Variants in MROH1 observed in about 807,000 individuals in gnomAD.
MROH1 encodes maestro heat-like repeat-containing protein family member 1.
In MROH1, 117 loss-of-function variants were observed where a neutral mutation model predicts 116.5. That is an observed-to-expected ratio of 1.00 (90% CI 0.86 to 1.17). The LOEUF (loss-of-function observed/expected upper bound fraction) is 1.17, where lower values mean the gene tolerates loss of function less well. Ranked by LOEUF, MROH1 falls within the 50% of genes most tolerant of loss-of-function variation. The probability of loss-of-function intolerance (pLI) is 0.00; values close to 1 mark genes in which losing one functional copy is unlikely to be tolerated. For missense variants in MROH1, 1,873 were observed against 1,338.5 expected, an observed-to-expected ratio of 1.40 and a Z score of -6.23; for synonymous variants, 921 against 583.9, an observed-to-expected ratio of 1.58 and a Z score of -8.32.
chr8:144,213,424 G>T lies in MROH1; in HGVS notation c.1142-7176G>T, dbSNP rs979971492. On this transcript the variant is annotated intron_variant, in intron 12 of 43. Transcript: ENST00000326134. ...TTATTCCATATTCTTCTGGCAGAGAGTTGCCAGATTTAGCAAAAACAAATA... is the reference window on the plus strand; with the variant it reads ...TTATTCCATATTCTTCTGGCAGAGATTTGCCAGATTTAGCAAAAACAAATA... The T allele has an allele frequency of 1.5e-4, 38 of 258,256 alleles. 1 individual carries two copies. Among genetic ancestry groups the T allele is most frequent in the African/African-American group, 6.6e-4 (30 of 45,182 alleles). 16.0% of individuals were successfully genotyped at this position (258,256 alleles called of 1,614,324 possible).
At chr8:144,177,851 C>T (rs1405116865) in intron 4 of MROH1, among the ~76,000 whole-genome samples, 3 of 152,170 alleles carry the variant, frequency 2.0e-5, no homozygotes, top group East Asian at 1.9e-4. Context: ...CTTCATTTTC[C>T]ACCACGATTG....
At chr8:144,203,975 C>A (rs976341876) in intron 12 of MROH1, among the ~76,000 whole-genome samples, 2 of 152,182 alleles carry the variant, frequency 1.3e-5, no homozygotes, top group African/African-American at 2.4e-5. Flanking sequence ...GAAGTTCTTT[C>A]TCTGTGCATT....
chr8:144,248,101 G>A (rs893152069), intron 31 of MROH1, among the ~76,000 whole-genome samples: 18 of 152,316 alleles, frequency 1.2e-4, no homozygotes, highest in African/African-American at 3.1e-4. Flanking sequence ...TAGGGTCATC[G>A]CCTGCAGGGT....
In MROH1 at chr8:144,250,372, C is replaced by T. The variant is rs1295987560; in HGVS notation, c.3428+6C>T. The T allele has an allele frequency of 1.3e-6, 1 of 760,146 alleles. No homozygotes were observed. The highest frequency in any genetic ancestry group is 2.4e-6 in the Non-Finnish European group (1 of 411,898). The allele number at this position is 760,146 out of a possible 1,614,324, so 47.1% of individuals were successfully genotyped here. On this transcript the variant is annotated splice_donor_region_variant and intron_variant, in intron 33 of 43. Coordinates refer to ENST00000326134, the MANE Select transcript of MROH1 (RefSeq NM_032450.3). Reference sequence around the variant, plus strand: ...AGCCCCTTGCCCTTGGACAGGTACCCAGCTCAGACTCCAGGCTTAGGGGTC... The same window carrying T: ...AGCCCCTTGCCCTTGGACAGGTACCTAGCTCAGACTCCAGGCTTAGGGGTC...
intron 3 of MROH1, among the ~76,000 whole-genome samples, chr8:144,164,818 TAATAGA>T (rs1820399390): frequency 6.6e-6 from 1 of 152,198 alleles, no homozygotes; most frequent in African/African-American, 2.4e-5. Context: ...AATTAATGAA[TAATAGA>T]AATGTATTTC....
Position 144,247,441 on chromosome 8 carries a change from G to A in MROH1, c.3007+5G>A. The A allele has an allele frequency of 1.3e-6, 1 of 769,666 alleles. No homozygotes were observed. Among genetic ancestry groups the A allele is most frequent in the Non-Finnish European group, 2.4e-6 (1 of 412,858 alleles). The allele number at this position is 769,666 out of a possible 1,614,324, so 47.7% of individuals were successfully genotyped here. A position where few individuals can be genotyped will look rare whatever the true frequency, so the allele number is the denominator to read the frequency against. ...ACCTCCAGCTCGGCTATGAGGGTGAGCCCTCGTCAGGAGTGTGGGGGCCAG... is the reference window on the plus strand; with the variant it reads ...ACCTCCAGCTCGGCTATGAGGGTGAACCCTCGTCAGGAGTGTGGGGGCCAG... On this transcript the variant is annotated splice_donor_5th_base_variant and intron_variant, in intron 30 of 43. Coordinates refer to ENST00000326134, the MANE Select transcript of MROH1 (RefSeq NM_032450.3).
At chr8:144,225,910 GTTTT>G (rs764956904) in intron 14 of MROH1, among the ~76,000 whole-genome samples, 1 of 87,554 alleles carries the variant, frequency 1.1e-5, no homozygotes, top group Non-Finnish European at 2.1e-5. Context: ...TTCATTTTTA[GTTTT>G]TTTTTTTTTT....
chr8:144,221,875 A>G (rs1836825729), intron 13 of MROH1, among the ~76,000 whole-genome samples: 2 of 152,148 alleles, frequency 1.3e-5, no homozygotes, highest in African/African-American at 4.8e-5. Context: ...CTGAAGGGGC[A>G]GAGGCGTGGT....
Position 144,260,809 on chromosome 8 carries a change from G to C in MROH1, c.4513G>C (p.Asp1505His). 1 of 778,078 alleles carries C rather than the reference G, an allele frequency of 1.3e-6. No individual in the cohort carries two copies. Among genetic ancestry groups the C allele is most frequent in the East Asian group, 2.4e-5 (1 of 41,244 alleles). The allele number at this position is 778,078 out of a possible 1,614,324, so 48.2% of individuals were successfully genotyped here. The change falls in exon 40 of 44, where the codon GAC becomes CAC. Residue 1505 changes from aspartate to histidine, a missense_variant. Asp to His is a moderately conservative substitution (Grantham distance 81, BLOSUM62 -1). Coordinates refer to ENST00000326134, the MANE Select transcript of MROH1 (RefSeq NM_032450.3). Reference protein sequence around the residue: ...GLAPLLLHLQDPQATVASACR... With the variant: ...GLAPLLLHLQHPQATVASACR... The stretch of plus-strand genomic sequence containing the variant: ...GGCGCCCCTGCTGCTGCACCTGCAG[G>C]ACCCTCAGGCCACCGTGGCCAGCGT...
At chr8:144,158,665 A>AT (rs1001469424) in intron 1 of MROH1, among the ~76,000 whole-genome samples, 1 of 152,008 alleles carries the variant, frequency 6.6e-6, no homozygotes, top group Non-Finnish European at 1.5e-5. Flanking sequence ...GATTTCTCAG[A>AT]TATCTTTCTC....
chr8:144,156,244 A>G (rs1163889517), intron 1 of MROH1, among the ~76,000 whole-genome samples: 1 of 134,420 alleles, frequency 7.4e-6, no homozygotes, highest in East Asian at 2.0e-4. Context: ...TCTCAAAGAA[A>G]AAAAAAAAAA....
Position 144,250,379 on chromosome 8 carries a change from G to C in MROH1, c.3428+13G>C, listed in dbSNP as rs959997023. On this transcript the variant is annotated intron_variant, in intron 33 of 43. Coordinates refer to ENST00000326134, the MANE Select transcript of MROH1 (RefSeq NM_032450.3). ...TGCCCTTGGACAGGTACCCAGCTCA[G>C]ACTCCAGGCTTAGGGGTCCCTCTGG... 1.3e-6 allele frequency: 1 copy of C among 757,242 alleles called. No individual in the cohort carries two copies. The highest frequency in any genetic ancestry group is 2.4e-6 in the Non-Finnish European group (1 of 410,706). The allele number at this position is 757,242 out of a possible 1,614,324, so 46.9% of individuals were successfully genotyped here.
At chr8:144,233,393 A>G (rs1406764736) in intron 14 of MROH1, among the ~76,000 whole-genome samples, 1 of 98,598 alleles carries the variant, frequency 1.0e-5, no homozygotes, top group African/African-American at 4.3e-5. Context: ...CCCACCATCC[A>G]CCTTCCCTCC....
In MROH1 at chr8:144,241,605, A is replaced by T; in HGVS notation, c.2178+88A>T. The T allele has an allele frequency of 3.9e-6, 3 of 769,244 alleles. No homozygotes were observed. The South Asian group carries it at 4.1e-5, about 10-fold the overall frequency. 47.7% of individuals were successfully genotyped at this position (769,244 alleles called of 1,614,324 possible). ...GGTGCCCTGCGGGCTGGAGTGGGGCAGGAAGCTGGTTGCGTCCCTGGACCA... is the reference window on the plus strand; with the variant it reads ...GGTGCCCTGCGGGCTGGAGTGGGGCTGGAAGCTGGTTGCGTCCCTGGACCA... On this transcript the variant is annotated intron_variant, in intron 22 of 43. Transcript: ENST00000326134.
At chr8:144,169,727 C>T (rs1266023906) in intron 4 of MROH1, among the ~76,000 whole-genome samples, 4 of 150,350 alleles carry the variant, frequency 2.7e-5, no homozygotes, top group Admixed American at 6.7e-5. Flanking sequence ...ACTGCAACCT[C>T]CACCTCCCGG....
At chr8:144,193,020 T>C (rs549824722) in intron 10 of MROH1, 67 of 181,218 alleles carry the variant, frequency 3.7e-4, no homozygotes, top group Non-Finnish European at 6.7e-4. Context: ...AAGGAAACTT[T>C]CTGAAAAGAA....
chr8:144,236,193 G>A (rs1840006044), intron 14 of MROH1, among the ~76,000 whole-genome samples: 1 of 152,184 alleles, frequency 6.6e-6, no homozygotes. Flanking sequence ...GCTCAGGTAT[G>A]GTGGTGTTTT....
intron 12 of MROH1, among the ~76,000 whole-genome samples, chr8:144,212,712 C>T (rs1450230239): frequency 1.3e-5 from 2 of 149,952 alleles, no homozygotes; most frequent in African/African-American, 4.9e-5. Flanking sequence ...GCCCCAGCCT[C>T]CCTACTAGCT....
At chr8:144,161,955 C>T (rs528728049) in intron 2 of MROH1, among the ~76,000 whole-genome samples, 44 of 152,342 alleles carry the variant, frequency 2.9e-4, no homozygotes, top group Non-Finnish European at 6.0e-4. Context: ...GTGCCCTTGT[C>T]TCTGGGAAGT....
Sources: allele counts gnomAD v4.1 joint callset (sites outside exome capture counted in the v4.1 genomes callset), GRCh38; gene constraint gnomAD v4.1.1; transcripts MANE v1.5; gene names NCBI Gene and HGNC (gene_info 2026-07-23, HGNC 2026-07-21).